ZFHX4: variants seen among roughly 807,000 people sequenced by gnomAD.
ZFHX4 encodes zinc finger homeobox 4, also known as zinc finger homeobox protein 4.
ZFHX4 carries 56 observed loss-of-function variants against 267.6 expected under a neutral mutation model. That is an observed-to-expected ratio of 0.21 (90% CI 0.17 to 0.26). The LOEUF is 0.26. Ranked by LOEUF, ZFHX4 falls within the 10% of genes least tolerant of loss-of-function variation. The pLI is 1.00. For synonymous variants in ZFHX4, 1,778 were observed against 1,665.6 expected (o/e 1.07, Z -1.64); for missense variants, 4,332 against 4,420.0 (o/e 0.98, Z 0.56).
At position 76,707,918 on chromosome 8, in the gene ZFHX4, T is replaced by C; in HGVS notation, c.2963T>C (p.Leu988Ser). The change falls in exon 3 of 11, where the codon TTG becomes TCG. Residue 988 changes from leucine (L) to serine (S), a missense_variant. Coordinates refer to ENST00000651372, the MANE Select transcript of ZFHX4 (RefSeq NM_024721.5). ...KEGGKSNEWR[L>S]KCIAIGNPVH... ...GGGGGCAAAAGCAATGAGTGGAGGT[T>C]GAAGTGTATTGCCATTGGCAACCCT... 6.2e-7 allele frequency: 1 copy of C among 1,614,080 alleles called. No individual in the cohort carries two copies. Among genetic ancestry groups the C allele is most frequent in the Non-Finnish European group, 8.5e-7 (1 of 1,179,932 alleles).
Position 76,855,106 on chromosome 8 carries a change from T to A in ZFHX4, c.8185T>A (p.Tyr2729Asn). The A allele has an allele frequency of 6.2e-7, 1 of 1,613,826 alleles. No homozygotes were observed. The highest frequency in any genetic ancestry group is 8.5e-7 in the Non-Finnish European group (1 of 1,179,810). ...DGGESPQKYI[Y>N]FDYPSLPLTK... ...GGGAGAAAGCCCACAGAAATACATCTATTTTGATTACCCATCTTTGCCATT... is the reference window on the plus strand; with the variant it reads ...GGGAGAAAGCCCACAGAAATACATCAATTTTGATTACCCATCTTTGCCATT... The change falls in exon 10 of 11, where the codon TAT becomes AAT. Residue 2729 changes from tyrosine (Y) to asparagine (N), a missense_variant. Physicochemically the swap from Tyr to Asn is moderately radical, Grantham distance 143 (BLOSUM62 -2). Transcript: ENST00000651372.
At chr8:76,801,416 G>T (rs1190185785) in intron 4 of ZFHX4, among the ~76,000 whole-genome samples, 1 of 152,110 alleles carries the variant, frequency 6.6e-6, no homozygotes, top group South Asian at 2.1e-4. Context: ...TGTTTTAAAA[G>T]AACTCTTTGT....
At chr8:76,801,018 T>C (rs1811104517) in intron 4 of ZFHX4, among the ~76,000 whole-genome samples, 1 of 152,196 alleles carries the variant, frequency 6.6e-6, no homozygotes, top group Non-Finnish European at 1.5e-5. Context: ...CATTCTTTTA[T>C]CTTTTTAAAT....
rs1812646428 is a variant in ZFHX4, at chr8:76,854,442, C to T, written c.7521C>T (p.Leu2507=). 3.1e-6 allele frequency: 5 copies of T among 1,614,024 alleles called. No homozygotes were observed. Among genetic ancestry groups the T allele is most frequent in the Non-Finnish European group, 4.2e-6 (5 of 1,179,888 alleles). The change falls in exon 10 of 11, where the codon CTC becomes CTT. Residue 2507 remains leucine (L), a synonymous_variant. Coordinates refer to ENST00000651372, the MANE Select transcript of ZFHX4 (RefSeq NM_024721.5). ...QCTVAFPTLE[L]WQEHQHMHFL... ...CAGTTGCCTTCCCAACTCTGGAACT[C>T]TGGCAGGAACACCAGCACATGCACT...
At chr8:76,717,396 T>A (rs1808604961) in intron 3 of ZFHX4, among the ~76,000 whole-genome samples, 1 of 152,110 alleles carries the variant, frequency 6.6e-6, no homozygotes, top group African/African-American at 2.4e-5. Context: ...TTTGGAGAAA[T>A]CTTGCCTCCC....
intron 3 of ZFHX4, among the ~76,000 whole-genome samples, chr8:76,741,205 C>A (rs925407875): frequency 3.9e-5 from 6 of 152,158 alleles, no homozygotes; most frequent in Admixed American, 6.6e-5. Context: ...AGACTAGGAA[C>A]AGATGACAGT....
In ZFHX4 at chr8:76,804,748, A is replaced by AT. The variant is rs1333628318; in HGVS notation, c.3325+26309_3325+26310insT. On this transcript the variant is annotated intron_variant, in intron 4 of 10. Coordinates refer to ENST00000651372, the MANE Select transcript of ZFHX4 (RefSeq NM_024721.5). The stretch of plus-strand genomic sequence containing the variant: ...TTACCTTTAAATATTTATTTATTTA[A>AT]CCATCCACTGGGAGGTTTAAAGTCG... Among the ~76,000 whole-genome samples the AT allele has an allele frequency of 2.5e-3, 6 of 2,372 alleles. No homozygotes were observed. The East Asian group carries it at 0.43, about 169-fold the overall frequency. 1.6% of individuals were successfully genotyped at this position (2,372 alleles called of 152,430 possible). A position where few individuals can be genotyped will look rare whatever the true frequency, so the allele number is the denominator to read the frequency against.
intron 1 of ZFHX4, among the ~76,000 whole-genome samples, chr8:76,697,799 T>A (rs991747469): frequency 1.1e-4 from 16 of 151,984 alleles, no homozygotes; most frequent in Non-Finnish European, 1.9e-4. Flanking sequence ...TGGATTAATA[T>A]TTTTTTAAGG....
chr8:76,697,405 A>G (rs77483063), intron 1 of ZFHX4, among the ~76,000 whole-genome samples: 9,678 of 152,052 alleles, frequency 0.064, 1,003 homozygotes, highest in African/African-American at 0.21. Context: ...AATTTTTTAA[A>G]TGTTCTTATG....
Position 76,778,191 on chromosome 8 carries a change from C to G in ZFHX4, c.3094-17C>G, listed in dbSNP as rs1477036502. Reference sequence around the variant, plus strand: ...GGAGCTAGACCATTGTTCTAATGAGCCTTCCCTTCCTTTCAGCACTTGCAG... The same window carrying G: ...GGAGCTAGACCATTGTTCTAATGAGGCTTCCCTTCCTTTCAGCACTTGCAG... On this transcript the variant is annotated splice_polypyrimidine_tract_variant and intron_variant, in intron 3 of 10. Transcript: ENST00000651372. The G allele has an allele frequency of 3.2e-6, 5 of 1,549,144 alleles. No individual in the cohort carries two copies. The highest frequency in any genetic ancestry group is 1.7e-5 in the Admixed American group (1 of 59,864).
At position 76,854,588 on chromosome 8, in the gene ZFHX4, T is replaced by G. The variant is rs1358907397; in HGVS notation, c.7667T>G (p.Leu2556Arg). 1 of 1,613,586 alleles carries G rather than the reference T, an allele frequency of 6.2e-7. No individual in the cohort carries two copies. The highest frequency in any genetic ancestry group is 8.5e-7 in the Non-Finnish European group (1 of 1,179,842). The change falls in exon 10 of 11, where the codon CTC becomes CGC. Residue 2556 changes from leucine (L) to arginine (R), a missense_variant. Leu to Arg is a moderately radical substitution (Grantham distance 102). Transcript: ENST00000651372. ...ACTGGACAACTGCTGGGCAGTTCCC[T>G]CACTCAAATGCCCCCTCAGGCCAGT... is the stretch of plus-strand genomic sequence containing the variant. ...LMTGQLLGSS[L>R]TQMPPQASSS...
chr8:76,715,803 T>C (rs564865428), intron 3 of ZFHX4, among the ~76,000 whole-genome samples: 6 of 152,334 alleles, frequency 3.9e-5, no homozygotes, highest in African/African-American at 1.2e-4. Context: ...TAAATGTGCA[T>C]ACATAAATAT....
intron 1 of ZFHX4, chr8:76,683,013 C>A (rs1723980760): frequency 6.6e-6 from 1 of 152,224 alleles, no homozygotes; most frequent in East Asian, 1.9e-4. Context: ...ATCCCCTTCC[C>A]CTAGAAGACG....
intron 4 of ZFHX4, among the ~76,000 whole-genome samples, chr8:76,802,017 T>C (rs1439804195): frequency 6.6e-6 from 1 of 152,164 alleles, no homozygotes; most frequent in Non-Finnish European, 1.5e-5. Flanking sequence ...GGAAAAAGTA[T>C]GAAAGCGTAA....
chr8:76,725,001 A>G (rs1182418977), intron 3 of ZFHX4, among the ~76,000 whole-genome samples: 3 of 152,074 alleles, frequency 2.0e-5, no homozygotes, highest in African/African-American at 7.2e-5. Flanking sequence ...GTGTGTGTAC[A>G]GGTATATGGG....
intron 3 of ZFHX4, among the ~76,000 whole-genome samples, chr8:76,721,370 G>A (rs78236982): frequency 0.045 from 6,877 of 152,202 alleles, 512 homozygotes; most frequent in African/African-American, 0.15. Flanking sequence ...GTTGTTTGAT[G>A]TTCTAGTAAT....
chr8:76,822,560 A>G (rs1381585720), intron 4 of ZFHX4, among the ~76,000 whole-genome samples: 2 of 146,536 alleles, frequency 1.4e-5, no homozygotes, highest in African/African-American at 5.1e-5. Context: ...CCACCTCAGT[A>G]TCCTGAGTAA....
chr8:76,761,224 A>G (rs1401645375), intron 3 of ZFHX4, among the ~76,000 whole-genome samples: 2 of 152,242 alleles, frequency 1.3e-5, no homozygotes, highest in East Asian at 3.8e-4. Context: ...CAGGAATGCA[A>G]CTATCAGGTA....
intron 3 of ZFHX4, among the ~76,000 whole-genome samples, chr8:76,711,955 T>A (rs1281473089): frequency 6.6e-6 from 1 of 152,244 alleles, no homozygotes; most frequent in Non-Finnish European, 1.5e-5. Flanking sequence ...TCGGCTGCTC[T>A]TTTAATATTA....
Sources: gnomAD v4.1 joint callset for allele counts (sites outside exome capture counted in the v4.1 genomes callset) on GRCh38, gnomAD v4.1.1 for gene constraint, MANE v1.5 for transcripts, NCBI Gene and HGNC (gene_info 2026-07-23, HGNC 2026-07-21) for gene names.